Variants in URB2 observed in about 807,000 individuals in gnomAD.
URB2 encodes the protein URB2 ribosome biogenesis homolog.
In URB2, 86 loss-of-function variants were observed where a neutral mutation model predicts 120.9. The observed-to-expected ratio is 0.71, with a 90% CI of 0.60 to 0.85. URB2 has a LOEUF of 0.85. Ranked by LOEUF, URB2 falls within the 40% of genes least tolerant of loss-of-function variation. URB2 has a pLI of 0.00. For missense variants in URB2, 1,765 were observed against 1,836.5 expected (o/e 0.96, Z 0.71); for synonymous variants, 755 against 758.4 (o/e 1.00, Z 0.07).
At chr1:229,655,568 G>A (rs577408696) in intron 9 of URB2, among the ~76,000 whole-genome samples, 2 of 152,294 alleles carry the variant, frequency 1.3e-5, no homozygotes, top group East Asian at 3.9e-4. Context: ...ATGTCATTAT[G>A]CTATTTTCAA....
intron 7 of URB2, 32 bp from the exon 8 acceptor site, chr1:229,651,203 G>A: frequency 6.4e-7 from 1 of 1,572,772 alleles, no homozygotes; most frequent in Non-Finnish European, 8.6e-7. Flanking sequence ...AATCACGTAT[G>A]TACTTTTACA....
Position 229,635,508 on chromosome 1 carries a change from G to A in URB2, c.895G>A (p.Val299Ile). 8 of 1,614,048 alleles carry A rather than the reference G, an allele frequency of 5.0e-6. No individual in the cohort carries two copies. Among genetic ancestry groups the A allele is most frequent in the Non-Finnish European group, 6.8e-6 (8 of 1,179,974 alleles). The change falls in exon 4 of 10, where the codon GTT becomes ATT. Residue 299 changes from valine to isoleucine, a missense_variant. Val to Ile is a conservative substitution (Grantham distance 29). Transcript: ENST00000258243. ...CTGTGCAGCATCCCTTCATACCTCTGTTGTGGCCAACTCAGTGGCCTTGCT... is the reference window on the plus strand; with the variant it reads ...CTGTGCAGCATCCCTTCATACCTCTATTGTGGCCAACTCAGTGGCCTTGCT... Reference protein sequence around the residue: ...GYCAASLHTSVVANSVALLYK... With the variant: ...GYCAASLHTSIVANSVALLYK...
Position 229,635,645 on chromosome 1 carries a change from G to C in URB2, c.1032G>C (p.Gln344His). The C allele has an allele frequency of 1.2e-6, 2 of 1,614,160 alleles. No individual in the cohort carries two copies. The highest frequency in any genetic ancestry group is 2.2e-5 in the South Asian group (2 of 91,086). ...CLKISHLQEE[Q>H]SKALSTSDWT... is the part of the protein sequence containing the mutation. ...AGATTTCACACCTGCAGGAGGAGCA[G>C]AGCAAAGCCCTGTCCACATCAGATT... The change falls in exon 4 of 10, where the codon CAG (glutamine) becomes CAC (histidine). Residue 344 changes from glutamine to histidine, a missense_variant. Transcript: ENST00000258243.
chr1:229,628,142 A>G (rs1665564768), intron 2 of URB2, among the ~76,000 whole-genome samples: 1 of 119,848 alleles, frequency 8.3e-6, no homozygotes, highest in African/African-American at 3.6e-5. Context: ...TATAATATAT[A>G]TATAATATAT....
intron 6 of URB2, 30 bp from the exon 7 acceptor site, chr1:229,647,480 A>AT: frequency 6.3e-7 from 1 of 1,599,634 alleles, no homozygotes; most frequent in Non-Finnish European, 8.5e-7. Context: ...AATTACTTTC[A>AT]TTTTTCCTTT....
chr1:229,636,488 C>T lies in URB2; in HGVS notation c.1875C>T (p.Ser625=), dbSNP rs751124442. ...QVDAMFSLNC[S]QYHSMSGPLI... ...ACGCTATGTTCAGTTTGAACTGTAG[C>T]CAGTATCACTCTATGTCTGGGCCCC... The change falls in exon 4 of 10, where the codon AGC becomes AGT. Residue 625 remains serine, a synonymous_variant. Transcript: ENST00000258243. 2 of 1,614,078 alleles carry T rather than the reference C, an allele frequency of 1.2e-6. No homozygotes were observed. The highest frequency in any genetic ancestry group is 8.5e-7 in the Non-Finnish European group (1 of 1,180,054).
At chr1:229,632,244 C>T (rs776395480) in intron 2 of URB2, 25 bp from the exon 3 acceptor site, 14 of 1,408,850 alleles carry the variant, frequency 9.9e-6, no homozygotes, top group East Asian at 2.9e-5. Flanking sequence ...AATTTATTTT[C>T]AGTGTATGTG....
rs1359680563 is a variant in URB2 at position 229,636,859 on chromosome 1, T to C, written c.2246T>C (p.Ile749Thr). The change falls in exon 4 of 10, where the codon ATT (isoleucine) becomes ACT (threonine). Residue 749 changes from isoleucine to threonine, a missense_variant. Ile to Thr is a moderately conservative substitution (Grantham distance 89). Transcript: ENST00000258243. The stretch of plus-strand genomic sequence containing the variant: ...CACTTGATTGTGTCAAATCTCACAA[T>C]TTTAATATCCTATCTGTGTCCAGAT... Reference protein sequence around the residue: ...HWHLIVSNLTILISYLCPDDV... With the variant: ...HWHLIVSNLTTLISYLCPDDV... 6.2e-7 allele frequency: 1 copy of C among 1,611,198 alleles called. No individual in the cohort carries two copies. The highest frequency in any genetic ancestry group is 8.5e-7 in the Non-Finnish European group (1 of 1,177,846).
intron 4 of URB2, among the ~76,000 whole-genome samples, chr1:229,643,167 CAG>C (rs962209213): frequency 5.3e-5 from 8 of 152,316 alleles, no homozygotes; most frequent in African/African-American, 1.7e-4. Flanking sequence ...CTTGCAGTCT[CAG>C]GGGTGCTAGA....
At chr1:229,650,898 C>G (rs1272277263) in intron 7 of URB2, 1 of 163,282 alleles carries the variant, frequency 6.1e-6, no homozygotes, top group Non-Finnish European at 1.3e-5. Context: ...TTGTTTGTTT[C>G]TACCCATTTC....
At position 229,659,115 on chromosome 1, in the gene URB2, G is replaced by C; in HGVS notation, c.4393G>C (p.Ala1465Pro). The C allele has an allele frequency of 6.2e-7, 1 of 1,612,006 alleles. No homozygotes were observed. The highest frequency in any genetic ancestry group is 8.5e-7 in the Non-Finnish European group (1 of 1,179,806). Reference sequence around the variant, plus strand: ...TTTTCCTCAGGTGACCTTATATCCAGCTGTGAAAAGTCTGCTGCAGGAGGG... The same window carrying C: ...TTTTCCTCAGGTGACCTTATATCCACCTGTGAAAAGTCTGCTGCAGGAGGG... ...LEVQKVTLYPAVKSLLQEGIY... is the reference protein window; with the variant it reads ...LEVQKVTLYPPVKSLLQEGIY... Residue 1465 changes from alanine (A) to proline (P), a missense_variant, in exon 10 of 10, where the codon GCT (alanine) becomes CCT (proline). Transcript: ENST00000258243.
intron 2 of URB2, among the ~76,000 whole-genome samples, chr1:229,631,775 C>A (rs1455603739): frequency 6.6e-6 from 1 of 152,280 alleles, no homozygotes; most frequent in Non-Finnish European, 1.5e-5. Flanking sequence ...TCAGTGATCA[C>A]TGGTCACAGA....
chr1:229,645,933 G>T lies in URB2; in HGVS notation c.3870G>T (p.Leu1290Phe). ...CPLSGEKASL[L>F]WRACPQIVTA... ...TCAGTGGAGAGAAAGCAAGTCTGTT[G>T]TGGCGTGCGTGTCCCCAGATAGTCA... Residue 1290 changes from leucine to phenylalanine, a missense_variant, in exon 6 of 10, where the codon TTG becomes TTT. Coordinates refer to ENST00000258243, the MANE Select transcript of URB2 (RefSeq NM_014777.4). The T allele has an allele frequency of 1.9e-6, 3 of 1,614,218 alleles. No individual in the cohort carries two copies. The East Asian group carries it at 6.7e-5, about 36-fold the overall frequency.
intron 7 of URB2, among the ~76,000 whole-genome samples, chr1:229,649,180 T>C (rs1000281800): frequency 6.6e-6 from 1 of 152,198 alleles, no homozygotes; most frequent in Non-Finnish European, 1.5e-5. Flanking sequence ...TTTTAAGTGT[T>C]TTGATGTCCT....
In URB2 at chr1:229,638,025, G is replaced by A. The variant is rs747826493; in HGVS notation, c.3412G>A (p.Asp1138Asn). Residue 1138 changes from aspartate to asparagine, a missense_variant, in exon 4 of 10, where the codon GAC (aspartate) becomes AAC (asparagine). Transcript: ENST00000258243. ...LGQHCRDGGA[D>N]ISQGSDRTLL... ...TCAGCACTGCAGGGATGGAGGGGCC[G>A]ACATTTCCCAAGGAAGCGACAGGAC... The A allele has an allele frequency of 1.2e-5, 20 of 1,612,912 alleles. No individual in the cohort carries two copies. The highest frequency in any genetic ancestry group is 1.6e-4 in the Middle Eastern group (1 of 6,080).
chr1:229,656,979 G>GA (rs1244841411), intron 9 of URB2, among the ~76,000 whole-genome samples: 1 of 152,134 alleles, frequency 6.6e-6, no homozygotes, highest in Non-Finnish European at 1.5e-5. Flanking sequence ...TCGTAAAAGT[G>GA]AAAAAATCGT....
intron 3 of URB2, among the ~76,000 whole-genome samples, chr1:229,633,812 G>A (rs1665726875): frequency 6.6e-6 from 1 of 152,186 alleles, no homozygotes; most frequent in Admixed American, 6.5e-5. Flanking sequence ...ATAATAAGCA[G>A]TAGCAACATA....
chr1:229,643,653 A>G lies in URB2; in HGVS notation c.3755A>G (p.Gln1252Arg), dbSNP rs1666066417. 1.2e-6 allele frequency: 2 copies of G among 1,614,196 alleles called. No homozygotes were observed. The highest frequency in any genetic ancestry group is 8.5e-7 in the Non-Finnish European group (1 of 1,180,030). The change falls in exon 5 of 10, where the codon CAG becomes CGG. Residue 1252 changes from glutamine to arginine, a missense_variant. Gln to Arg is a conservative substitution (Grantham distance 43). Transcript: ENST00000258243. ...AGGCTGGTGATGCAGTGTATTCTCC[A>G]GGGACTGGATGTCAGTAACATGTGG... ...DLRLVMQCIL[Q>R]GLDVSNMWKA...
chr1:229,658,022 T>C (rs991170571), intron 9 of URB2, among the ~76,000 whole-genome samples: 5 of 152,228 alleles, frequency 3.3e-5, no homozygotes, highest in Non-Finnish European at 7.3e-5. Flanking sequence ...TTCTACTTCT[T>C]AAAAGTAATG....
Sources: allele counts gnomAD v4.1 joint callset (sites outside exome capture counted in the v4.1 genomes callset), GRCh38; gene constraint gnomAD v4.1.1; transcripts MANE v1.5; gene names NCBI Gene and HGNC (gene_info 2026-07-23, HGNC 2026-07-21).